The following GRID2 variants were observed in gnomAD, a reference collection of about 807,000 sequenced individuals.
The protein encoded by GRID2 is glutamate receptor ionotropic, delta-2.
GRID2 carries 33 observed loss-of-function variants against 114.8 expected under a neutral mutation model. That is an observed-to-expected ratio of 0.29 (90% CI 0.22 to 0.38). The LOEUF (loss-of-function observed/expected upper bound fraction) is 0.38. GRID2 is among the 10% of genes least tolerant of loss of function. GRID2 has a pLI of 1.00. For synonymous variants in GRID2, 505 were observed against 449.9 expected (o/e 1.12, Z -1.55); for missense variants, 1,184 against 1,257.7 (o/e 0.94, Z 0.89).
At chr4:93,020,155 A>T (rs1457715442) in intron 2 of GRID2, among the ~76,000 whole-genome samples, 1 of 152,166 alleles carries the variant, frequency 6.6e-6, no homozygotes, top group Admixed American at 6.5e-5. Flanking sequence ...ACAAGTAACA[A>T]TCTGAAACTA....
intron 13 of GRID2, among the ~76,000 whole-genome samples, chr4:93,533,226 G>A (rs972631206): frequency 2.7e-5 from 4 of 150,192 alleles, no homozygotes; most frequent in Non-Finnish European, 5.9e-5. Context: ...AGTAAATCTT[G>A]TAGGGCCCTT....
chr4:93,172,911 C>CT (rs544933733), intron 4 of GRID2, among the ~76,000 whole-genome samples: 92 of 145,824 alleles, frequency 6.3e-4, no homozygotes, highest in South Asian at 5.0e-3. Context: ...ACATCTTAAA[C>CT]TTTTTTTTTT....
intron 1 of GRID2, among the ~76,000 whole-genome samples, chr4:92,572,943 A>T (rs62307858): frequency 1.3e-5 from 2 of 151,796 alleles, no homozygotes; most frequent in Admixed American, 6.6e-5. Context: ...CCATGAATCT[A>T]TCTGGCCCTG....
At chr4:93,494,071 C>T (rs986604523) in intron 12 of GRID2, among the ~76,000 whole-genome samples, 1 of 151,758 alleles carries the variant, frequency 6.6e-6, no homozygotes, top group Non-Finnish European at 1.5e-5. Context: ...TTCTTAGAAA[C>T]ATTCAAAATC....
At chr4:92,636,982 C>A (rs1260884157) in intron 2 of GRID2, among the ~76,000 whole-genome samples, 1 of 151,846 alleles carries the variant, frequency 6.6e-6, no homozygotes, top group Non-Finnish European at 1.5e-5. Context: ...GAGAAATGCC[C>A]TCATCAAAGT....
chr4:93,649,230 C>G (rs1199531947), intron 14 of GRID2, among the ~76,000 whole-genome samples: 4 of 152,022 alleles, frequency 2.6e-5, no homozygotes, highest in Non-Finnish European at 1.5e-5. Context: ...TCTTATTGAT[C>G]AACTCATTTC....
chr4:93,678,556 C>G (rs182763529), intron 14 of GRID2, among the ~76,000 whole-genome samples: 3,703 of 152,034 alleles, frequency 0.024, 61 homozygotes, highest in Non-Finnish European at 0.026. Flanking sequence ...AAAGGGAAGC[C>G]CATCAGACTA....
intron 2 of GRID2, among the ~76,000 whole-genome samples, chr4:92,960,550 G>A (rs574922015): frequency 2.0e-4 from 30 of 151,674 alleles, no homozygotes; most frequent in Non-Finnish European, 3.7e-4. Flanking sequence ...CTCTGACGTC[G>A]GCTCTGTCTG....
intron 7 of GRID2, among the ~76,000 whole-genome samples, chr4:93,230,929 T>C (rs1746057061): frequency 6.6e-6 from 1 of 152,052 alleles, no homozygotes; most frequent in African/African-American, 2.4e-5. Context: ...GGGAAAGAGT[T>C]TTCATGTAGT....
intron 1 of GRID2, among the ~76,000 whole-genome samples, chr4:92,308,196 C>T (rs1725513630): frequency 6.6e-6 from 1 of 152,162 alleles, no homozygotes; most frequent in Non-Finnish European, 1.5e-5. Flanking sequence ...GGTGGCATTT[C>T]CAGTCAACTG....
chr4:92,324,112 A>AT (rs942357099), intron 1 of GRID2, among the ~76,000 whole-genome samples: 3 of 152,032 alleles, frequency 2.0e-5, no homozygotes, highest in Non-Finnish European at 4.4e-5. Context: ...ATAATGTAAG[A>AT]GGTAACTAAC....
chr4:92,405,406 G>A (rs1016527492), intron 1 of GRID2, among the ~76,000 whole-genome samples: 19 of 152,012 alleles, frequency 1.2e-4, no homozygotes, highest in African/African-American at 4.6e-4. Flanking sequence ...GGGGACAGAC[G>A]CTGAACTAAC....
At chr4:93,475,915 C>A (rs1308297646) in intron 11 of GRID2, among the ~76,000 whole-genome samples, 1 of 152,118 alleles carries the variant, frequency 6.6e-6, no homozygotes, top group Non-Finnish European at 1.5e-5. Context: ...GTGGCAGGTT[C>A]TGACTCAACT....
intron 4 of GRID2, among the ~76,000 whole-genome samples, chr4:93,163,414 C>T (rs1188113011): frequency 5.6e-4 from 52 of 93,664 alleles, no homozygotes; most frequent in East Asian, 3.3e-3. Flanking sequence ...TATATATATA[C>T]ATACATGTAT....
chr4:93,281,774 A>G (rs1265906793), intron 8 of GRID2, among the ~76,000 whole-genome samples: 2 of 152,026 alleles, frequency 1.3e-5, no homozygotes, highest in Non-Finnish European at 2.9e-5. Flanking sequence ...CTTTGACCAT[A>G]TATAGAGAAA....
intron 1 of GRID2, among the ~76,000 whole-genome samples, chr4:92,571,951 C>A (rs1179160542): frequency 6.6e-6 from 1 of 152,066 alleles, no homozygotes; most frequent in African/African-American, 2.4e-5. Flanking sequence ...AAAATTGACA[C>A]CCTAACATCA....
At chr4:92,888,633 C>T (rs1746535638) in intron 2 of GRID2, among the ~76,000 whole-genome samples, 1 of 152,006 alleles carries the variant, frequency 6.6e-6, no homozygotes, top group African/African-American at 2.4e-5. Flanking sequence ...AAGTGCACAG[C>T]AGGTATGTAG....
chr4:93,498,535 TG>T (rs964260363), intron 12 of GRID2, among the ~76,000 whole-genome samples: 3 of 151,930 alleles, frequency 2.0e-5, no homozygotes, highest in African/African-American at 7.2e-5. Flanking sequence ...GAAATACAAT[TG>T]TTTTTTGTCT....
At chr4:93,615,140 A>C (rs536456940) in intron 13 of GRID2, among the ~76,000 whole-genome samples, 1 of 152,224 alleles carries the variant, frequency 6.6e-6, no homozygotes, top group Non-Finnish European at 1.5e-5. Flanking sequence ...TGAGAGTTCA[A>C]TTATTAGCAA....
Sources: gnomAD v4.1 joint callset for allele counts (sites outside exome capture counted in the v4.1 genomes callset) on GRCh38, gnomAD v4.1.1 for gene constraint, MANE v1.5 for transcripts, NCBI Gene and HGNC (gene_info 2026-07-23, HGNC 2026-07-21) for gene names.